SPAM1: variants seen among roughly 807,000 people sequenced by gnomAD.
SPAM1 encodes the protein hyaluronidase PH-20.
Under a neutral mutation model 29.6 loss-of-function variants are expected in SPAM1, and 22 were observed. The observed-to-expected ratio is 0.74, with a 90% confidence interval of 0.53 to 1.06. The LOEUF (loss-of-function observed/expected upper bound fraction) is 1.06. SPAM1 is among the 50% of genes least tolerant of loss of function. The pLI is 0.00. For missense variants in SPAM1, 534 were observed against 604.0 expected, an observed-to-expected ratio of 0.88 and a Z score of 1.21; for synonymous variants, 194 against 204.6, an observed-to-expected ratio of 0.95 and a Z score of 0.44.
intron 4 of SPAM1, among the ~76,000 whole-genome samples, chr7:123,959,230 C>T (rs1177205916): frequency 2.6e-5 from 4 of 151,888 alleles, no homozygotes; most frequent in Admixed American, 6.6e-5. Flanking sequence ...TTACAGAGGA[C>T]GAGCAAGGGT....
At chr7:123,965,009 G>A, downstream of SPAM1, among the ~76,000 whole-genome samples, 1 of 151,972 alleles carries the variant, frequency 6.6e-6, no homozygotes, top group Non-Finnish European at 1.5e-5. Flanking sequence ...AATAAGAAGA[G>A]CTTCTGTTTA....
At chr7:123,939,698 C>G (rs1808367990) in intron 1 of SPAM1, among the ~76,000 whole-genome samples, 1 of 152,134 alleles carries the variant, frequency 6.6e-6, no homozygotes, top group Admixed American at 6.6e-5. Context: ...TTATTTTTGT[C>G]TAAGTTTCAG....
intron 1 of SPAM1, among the ~76,000 whole-genome samples, chr7:123,948,972 TC>T (rs1383081998): frequency 7.5e-6 from 1 of 132,748 alleles, no homozygotes; most frequent in African/African-American, 2.6e-5. Context: ...GAAATTTGGC[TC>T]TTTTTTTTTT....
At chr7:123,966,609 T>A (rs1168569369) in intron 5 of SPAM1, among the ~76,000 whole-genome samples, 1 of 152,128 alleles carries the variant, frequency 6.6e-6, no homozygotes, top group African/African-American at 2.4e-5. Flanking sequence ...TGAGATTATG[T>A]CCTTTGCAGG....
Position 123,959,990 on chromosome 7 carries a change from G to A in SPAM1, c.*21G>A. 1 of 1,581,214 alleles carries A rather than the reference G, an allele frequency of 6.3e-7. No homozygotes were observed. ...TGTAATTGCGCAGGTTAGCTGAAAT[G>A]AACAATATGTCCATCTTAAAGTGTG... On this transcript the variant is annotated 3_prime_UTR_variant, in exon 5 of 5. Coordinates refer to ENST00000682466, the MANE Select transcript of SPAM1 (RefSeq NM_153189.3).
At chr7:123,937,586 G>T (rs1808296557) in intron 1 of SPAM1, among the ~76,000 whole-genome samples, 1 of 103,672 alleles carries the variant, frequency 9.6e-6, no homozygotes, top group Non-Finnish European at 1.8e-5. Flanking sequence ...GGGCAACAGA[G>T]ACTCCATCTC....
At chr7:123,954,547 G>T in intron 3 of SPAM1, 23 bp downstream of exon 3, 2 of 1,428,914 alleles carry the variant, frequency 1.4e-6, no homozygotes, top group Non-Finnish European at 1.9e-6. Flanking sequence ...GGGTATGAGG[G>T]CTAGGAAATG....
intron 1 of SPAM1, among the ~76,000 whole-genome samples, chr7:123,938,944 T>A (rs183187568): frequency 3.9e-5 from 6 of 152,260 alleles, no homozygotes; most frequent in African/African-American, 1.2e-4. Flanking sequence ...AGGTTTTTTT[T>A]TATAGTGGGA....
rs1792194200 is a variant in SPAM1, at chr7:123,954,324, T to C, written c.754T>C (p.Leu252=). The change falls in exon 3 of 5, where the codon TTG becomes CTG. Residue 252 remains leucine, a synonymous_variant. Coordinates refer to ENST00000682466, the MANE Select transcript of SPAM1 (RefSeq NM_153189.3). Reference sequence around the variant, plus strand: ...AAAAAGAAATGATGATCTCAGCTGGTTGTGGAATGAAAGCACTGCTCTTTA... The same window carrying C: ...AAAAAGAAATGATGATCTCAGCTGGCTGTGGAATGAAAGCACTGCTCTTTA... ...EIKRNDDLSW[L]WNESTALYPS... The C allele has an allele frequency of 6.2e-7, 1 of 1,613,060 alleles. No homozygotes were observed. Among genetic ancestry groups the C allele is most frequent in the Non-Finnish European group, 8.5e-7 (1 of 1,179,496 alleles).
rs139302103 is a variant in SPAM1, at chr7:123,941,549, A to G, written c.-318-8323A>G. ...GGACAGAGGAAGCAATCAGATATGC[A>G]TGTCTCAGGTGAGCCTCAGTGGGCT... On this transcript the variant is annotated intron_variant, in intron 1 of 4. Transcript: ENST00000682466. 4.1e-3 allele frequency among the ~76,000 whole-genome samples: 625 copies of G among 152,286 alleles called. 3 individuals carry two copies. The highest frequency in any genetic ancestry group is 0.014 in the African/African-American group (591 of 41,564).
At chr7:123,957,306 A>C (rs191224713) in intron 4 of SPAM1, among the ~76,000 whole-genome samples, 1 of 152,004 alleles carries the variant, frequency 6.6e-6, no homozygotes, top group Non-Finnish European at 1.5e-5. Flanking sequence ...GACAAGATGA[A>C]GTCAATTGTG....
At chr7:123,959,319 A>G (rs772807140) in intron 4 of SPAM1, among the ~76,000 whole-genome samples, 165 bp from the exon 5 acceptor site, 7 of 152,098 alleles carry the variant, frequency 4.6e-5, no homozygotes, top group Non-Finnish European at 7.4e-5. Context: ...TACAAAAAGC[A>G]GTTGGAATAA....
chr7:123,964,573 G>A (rs1210326357), downstream of SPAM1, among the ~76,000 whole-genome samples: 3 of 151,796 alleles, frequency 2.0e-5, no homozygotes, highest in African/African-American at 7.3e-5. Context: ...TGCTTAGGCT[G>A]GGATGCACTA....
intron 1 of SPAM1, among the ~76,000 whole-genome samples, chr7:123,941,563 C>A (rs143327938): frequency 1.8e-4 from 28 of 152,216 alleles, no homozygotes; most frequent in African/African-American, 6.7e-4. Context: ...CTCAGGTGAG[C>A]CTCAGTGGGC....
chr7:123,943,845 G>A lies in SPAM1; in HGVS notation c.-318-6027G>A, dbSNP rs901780016. ...GCAGAAACCTTTATCTTTGAGAGAG[G>A]AGACCAAACAATAAGCCTTAATAAA... is the stretch of plus-strand genomic sequence containing the variant. On this transcript the variant is annotated intron_variant, in intron 1 of 4. Coordinates refer to ENST00000682466, the MANE Select transcript of SPAM1 (RefSeq NM_153189.3). 4.6e-5 allele frequency among the ~76,000 whole-genome samples: 7 copies of A among 152,176 alleles called. No homozygotes were observed. The East Asian group carries it at 1.4e-3, about 29-fold the overall frequency.
intron 1 of SPAM1, among the ~76,000 whole-genome samples, chr7:123,932,622 C>G (rs1808122223): frequency 6.6e-6 from 1 of 152,114 alleles, no homozygotes; most frequent in Non-Finnish European, 1.5e-5. Flanking sequence ...TTGCTTGTGG[C>G]AAAATGTAGC....
chr7:123,966,868 TA>T (rs2117079769), intron 5 of SPAM1, among the ~76,000 whole-genome samples: 1 of 152,144 alleles, frequency 6.6e-6, no homozygotes, highest in South Asian at 2.1e-4. Context: ...TCTACCTATG[TA>T]ACAAAACTGC....
At chr7:123,932,527 A>G (rs1808119193) in intron 1 of SPAM1, 1 of 152,760 alleles carries the variant, frequency 6.5e-6, no homozygotes, top group Non-Finnish European at 1.5e-5. Context: ...TACTCTGCAC[A>G]TGGACCAGAA....
Position 123,959,630 on chromosome 7 carries a change from T to A in SPAM1, c.1191T>A (p.Tyr397Ter), listed in dbSNP as rs1792323757. ...CIRKNWNSSD[Y>*]LHLNPDNFAI... ...GGAAAAACTGGAATTCAAGTGACTATCTTCACCTCAACCCAGATAATTTTG... is the reference window on the plus strand; with the variant it reads ...GGAAAAACTGGAATTCAAGTGACTAACTTCACCTCAACCCAGATAATTTTG... Residue 397 changes from tyrosine to a stop codon, truncating the protein, a stop_gained, in exon 5 of 5, where the codon TAT becomes TAA. Coordinates refer to ENST00000682466, the MANE Select transcript of SPAM1 (RefSeq NM_153189.3). LOFTEE classifies it low-confidence loss of function (END_TRUNC). 2.5e-6 allele frequency: 4 copies of A among 1,613,292 alleles called. No individual in the cohort carries two copies. The highest frequency in any genetic ancestry group is 3.4e-6 in the Non-Finnish European group (4 of 1,179,556).
Sources: allele counts gnomAD v4.1 joint callset (sites outside exome capture counted in the v4.1 genomes callset), GRCh38; gene constraint gnomAD v4.1.1; transcripts MANE v1.5; gene names NCBI Gene and HGNC (gene_info 2026-07-23, HGNC 2026-07-21).